ARB2A: variants seen among roughly 807,000 people sequenced by gnomAD.
The protein encoded by ARB2A is ARB2 cotranscriptional regulator A.
At chr5:93,751,552 A>G in the ARB2A span, among the ~76,000 whole-genome samples, 1 of 152,226 alleles carries the variant, frequency 6.6e-6, no homozygotes, top group East Asian at 1.9e-4. Flanking sequence ...ACGAAAAAGT[A>G]AAAACTTTAA....
At chr5:93,830,700 A>G in the ARB2A span, among the ~76,000 whole-genome samples, 2 of 151,828 alleles carry the variant, frequency 1.3e-5, no homozygotes, top group East Asian at 1.9e-4. Flanking sequence ...TTTAGTCTCA[A>G]TTTTTCTAGT....
chr5:93,625,018 A>T, the ARB2A span, among the ~76,000 whole-genome samples: 2 of 152,148 alleles, frequency 1.3e-5, no homozygotes, highest in African/African-American at 4.8e-5. Context: ...TATGAAAAAA[A>T]TATCATAACT....
chr5:93,911,635 C>A, the ARB2A span, among the ~76,000 whole-genome samples: 6 of 151,522 alleles, frequency 4.0e-5, no homozygotes, highest in Middle Eastern at 3.4e-3. Context: ...TCACCACACA[C>A]ACACACACAC....
At chr5:93,722,284 T>C in the ARB2A span, among the ~76,000 whole-genome samples, 6 of 152,162 alleles carry the variant, frequency 3.9e-5, no homozygotes, top group African/African-American at 1.4e-4. Flanking sequence ...CTAGATAATC[T>C]GAATTTAAAA....
chr5:94,109,005 C>T, the ARB2A span, among the ~76,000 whole-genome samples: 1 of 152,044 alleles, frequency 6.6e-6, no homozygotes, highest in Non-Finnish European at 1.5e-5. Context: ...TCACAATAAC[C>T]AAAGGATGGA....
the ARB2A span, among the ~76,000 whole-genome samples, chr5:93,765,418 C>A: frequency 4.6e-5 from 7 of 152,106 alleles, no homozygotes; most frequent in African/African-American, 1.2e-4. Flanking sequence ...AACAGAGAGC[C>A]AAATCATGAG....
At chr5:93,842,163 A>G in the ARB2A span, among the ~76,000 whole-genome samples, 293 of 152,328 alleles carry the variant, frequency 1.9e-3, 1 homozygote, top group Non-Finnish European at 2.0e-3. Context: ...TGGGAGGAAG[A>G]CTTTGGCTGC....
At chr5:93,886,386 T>C in the ARB2A span, among the ~76,000 whole-genome samples, 1 of 151,648 alleles carries the variant, frequency 6.6e-6, no homozygotes, top group African/African-American at 2.4e-5. Context: ...TTACACAAAT[T>C]TATCAATCAT....
chr5:93,967,449 GGA>G, the ARB2A span, among the ~76,000 whole-genome samples: 1 of 152,224 alleles, frequency 6.6e-6, no homozygotes, highest in East Asian at 1.9e-4. Context: ...CCCTGAAAAT[GGA>G]GAGAGACAGA....
the ARB2A span, chr5:93,620,971 G>A: frequency 3.1e-6 from 5 of 1,600,310 alleles, no homozygotes; most frequent in South Asian, 4.5e-5. Context: ...GGCCTCCCCC[G>A]TCGCGCTCGC....
the ARB2A span, among the ~76,000 whole-genome samples, chr5:93,819,326 A>G: frequency 9.9e-5 from 15 of 152,174 alleles, no homozygotes; most frequent in African/African-American, 2.4e-4. Context: ...TATCCTCAAG[A>G]TATTTCTAGA....
the ARB2A span, among the ~76,000 whole-genome samples, chr5:93,841,463 T>C: frequency 6.6e-6 from 1 of 152,196 alleles, no homozygotes; most frequent in East Asian, 1.9e-4. Flanking sequence ...TATGCCATTT[T>C]ATATAAGTGA....
chr5:93,981,857 A>T, the ARB2A span, among the ~76,000 whole-genome samples: 3 of 152,170 alleles, frequency 2.0e-5, no homozygotes, highest in African/African-American at 7.2e-5. Flanking sequence ...TCATCACTAG[A>T]TAATCTGAGC....
chr5:93,631,554 A>G, the ARB2A span, among the ~76,000 whole-genome samples: 1 of 152,218 alleles, frequency 6.6e-6, no homozygotes, highest in African/African-American at 2.4e-5. Context: ...GGGAATCACA[A>G]GCAAAGAATC....
chr5:93,648,502 G>A, the ARB2A span, among the ~76,000 whole-genome samples: 1 of 152,074 alleles, frequency 6.6e-6, no homozygotes, highest in Non-Finnish European at 1.5e-5. Flanking sequence ...GCTCTTGGAG[G>A]GTTAACTGTA....
At chr5:93,824,563 T>C in the ARB2A span, among the ~76,000 whole-genome samples, 1 of 152,214 alleles carries the variant, frequency 6.6e-6, no homozygotes, top group African/African-American at 2.4e-5. Context: ...TGCCTTTTAG[T>C]ACACTCCTAA....
chr5:93,924,730 A>G, the ARB2A span, among the ~76,000 whole-genome samples: 3 of 152,314 alleles, frequency 2.0e-5, no homozygotes, highest in Admixed American at 6.5e-5. Context: ...TGACTTGTTC[A>G]GTAACTACCC....
the ARB2A span, among the ~76,000 whole-genome samples, chr5:93,876,506 T>A: frequency 1.3e-5 from 2 of 152,100 alleles, no homozygotes; most frequent in African/African-American, 4.8e-5. Flanking sequence ...AAGTGCTACA[T>A]AATCTACCAG....
At chr5:93,804,781 C>G in the ARB2A span, 73 of 505,782 alleles carry the variant, frequency 1.4e-4, no homozygotes, top group Non-Finnish European at 1.8e-4. Context: ...AAAAGAAATG[C>G]TTTTGCCTAA....
Sources: gnomAD v4.1 joint callset for allele counts (sites outside exome capture counted in the v4.1 genomes callset) on GRCh38, gnomAD v4.1.1 for gene constraint, MANE v1.5 for transcripts, NCBI Gene and HGNC (gene_info 2026-07-23, HGNC 2026-07-21) for gene names.